Variants in USP34 observed in about 807,000 individuals in gnomAD.
USP34 encodes ubiquitin specific peptidase 34.
In USP34, 70 loss-of-function variants were observed where a neutral mutation model predicts 460.3. That is an observed-to-expected ratio of 0.15 (90% confidence interval 0.13 to 0.19). The LOEUF (loss-of-function observed/expected upper bound fraction) is 0.19, where lower values mean the gene tolerates loss of function less well. USP34 is among the 10% of genes least tolerant of loss of function. The probability of loss-of-function intolerance (pLI) is 1.00; values close to 1 mark genes in which losing one functional copy is unlikely to be tolerated. For missense variants in USP34, 3,985 were observed against 4,236.2 expected (o/e 0.94, Z 1.65); for synonymous variants, 1,647 against 1,405.3 (o/e 1.17, Z -3.85).
chr2:61,375,768 C>CAAAAAAAA (rs56304309), intron 8 of USP34, among the ~76,000 whole-genome samples: 105 of 80,840 alleles, frequency 1.3e-3, no homozygotes, highest in Middle Eastern at 8.1e-3. Flanking sequence ...GACTCTGTCT[C>CAAAAAAAA]AAAAAAAAAA....
chr2:61,314,531 A>G, intron 25 of USP34, 54 bp downstream of exon 25: 2 of 1,355,956 alleles, frequency 1.5e-6, no homozygotes, highest in East Asian at 5.2e-5. Context: ...ATTTCTGGAT[A>G]TGTCAGGAAT....
chr2:61,313,217 G>T (rs573857467), intron 25 of USP34, among the ~76,000 whole-genome samples: 1 of 151,378 alleles, frequency 6.6e-6, no homozygotes, highest in African/African-American at 2.4e-5. Flanking sequence ...CAAATAAAAA[G>T]ATATCAAGGA....
chr2:61,317,540 C>G, intron 23 of USP34, 114 bp downstream of exon 23: 1 of 858,054 alleles, frequency 1.2e-6, no homozygotes, highest in Non-Finnish European at 1.8e-6. Context: ...ACAAACCCAA[C>G]TGCACTGCAC....
chr2:61,392,170 A>C (rs185982909), intron 5 of USP34, among the ~76,000 whole-genome samples: 1 of 152,266 alleles, frequency 6.6e-6, no homozygotes, highest in East Asian at 1.9e-4. Context: ...TCTCTACAAA[A>C]ACAATTTTTA....
In USP34 at chr2:61,283,275, G is replaced by C. The variant is rs1310899882; in HGVS notation, c.4874-6C>G. On this transcript the variant is annotated splice_polypyrimidine_tract_variant and splice_region_variant and intron_variant, in intron 36 of 79. Transcript: ENST00000398571. ...CCACATTGAATAATGTGAAACTAAA[G>C]AAAAATTAGAAAACAGTTCACTATA... 6.2e-6 allele frequency: 10 copies of C among 1,608,836 alleles called. No individual in the cohort carries two copies. In the Admixed American group the frequency reaches 1.5e-4, roughly 24 times the overall value.
chr2:61,437,569 C>G (rs1342642408), intron 1 of USP34, among the ~76,000 whole-genome samples: 1 of 151,858 alleles, frequency 6.6e-6, no homozygotes, highest in African/African-American at 2.4e-5. Context: ...GTCAGGAGTT[C>G]AAGACCAGCC....
chr2:61,245,352 C>T (rs1688391919), intron 50 of USP34, 64 bp from the exon 51 acceptor site: 2 of 961,228 alleles, frequency 2.1e-6, no homozygotes, highest in Non-Finnish European at 1.5e-6. Context: ...ATTATGTCTA[C>T]TATTTTTTGA....
intron 10 of USP34, among the ~76,000 whole-genome samples, chr2:61,363,207 A>C (rs959342345): frequency 6.6e-6 from 1 of 152,196 alleles, no homozygotes; most frequent in Non-Finnish European, 1.5e-5. Flanking sequence ...AAATGGAAGT[A>C]ACAAGTATAG....
At chr2:61,232,271 G>C (rs1345735994) in intron 58 of USP34, among the ~76,000 whole-genome samples, 181 bp downstream of exon 58, 2 of 152,180 alleles carry the variant, frequency 1.3e-5, no homozygotes, top group Non-Finnish European at 2.9e-5. Flanking sequence ...TTATTAGAGT[G>C]AGAGCTGATG....
intron 5 of USP34, among the ~76,000 whole-genome samples, chr2:61,394,553 A>T (rs1394162473): frequency 2.0e-5 from 3 of 151,560 alleles, no homozygotes; most frequent in South Asian, 4.2e-4. Context: ...AAAAAAAAAA[A>T]AAAAATAAGT....
intron 1 of USP34, among the ~76,000 whole-genome samples, chr2:61,421,207 G>A (rs1694344781): frequency 6.6e-6 from 1 of 152,194 alleles, no homozygotes; most frequent in Non-Finnish European, 1.5e-5. Flanking sequence ...GGCAGGAGGA[G>A]AGACCAAAGA....
chr2:61,369,729 T>C (rs1308012193), intron 10 of USP34, among the ~76,000 whole-genome samples: 6 of 140,728 alleles, frequency 4.3e-5, no homozygotes. Context: ...GCACTTCATA[T>C]ATTGATGAGA....
At chr2:61,226,975 T>C in intron 62 of USP34, 92 bp downstream of exon 62, 1 of 1,386,236 alleles carries the variant, frequency 7.2e-7, no homozygotes, top group Non-Finnish European at 9.6e-7. Flanking sequence ...ACATATATAA[T>C]AAAAAGCTAG....
chr2:61,218,150 G>T (rs1447843035), intron 67 of USP34, among the ~76,000 whole-genome samples: 1 of 149,928 alleles, frequency 6.7e-6, no homozygotes, highest in Non-Finnish European at 1.5e-5. Flanking sequence ...AAACCTTTTT[G>T]GGGGTTCAGC....
chr2:61,248,714 T>G (rs1488506582), intron 48 of USP34, 31 bp from the exon 49 acceptor site: 16 of 1,514,640 alleles, frequency 1.1e-5, no homozygotes, highest in Non-Finnish European at 9.8e-6. Flanking sequence ...TAATAAAGAT[T>G]ATTTTTTACA....
chr2:61,301,251 A>T, intron 28 of USP34, 91 bp from the exon 29 acceptor site: 1 of 1,512,012 alleles, frequency 6.6e-7, no homozygotes, highest in South Asian at 1.3e-5. Context: ...TAAAATTTTA[A>T]TATAACAAAG....
chr2:61,369,995 A>C (rs1212560043), intron 10 of USP34, among the ~76,000 whole-genome samples: 4 of 151,578 alleles, frequency 2.6e-5, no homozygotes, highest in East Asian at 2.0e-4. Flanking sequence ...AAAAAAAAAA[A>C]AAAAAAACAG....
Position 61,437,774 on chromosome 2 carries a change from AAAAT to A in USP34, c.44-16945_44-16942del, listed in dbSNP as rs61610795. The stretch of plus-strand genomic sequence containing the variant: ...GGCAACAGAGCGAGACTCCGTCTCA[AAAAT>A]AAATAAATAAATAAATAAATAAATA... On this transcript the variant is annotated intron_variant, in intron 1 of 79. Coordinates refer to ENST00000398571, the MANE Select transcript of USP34 (RefSeq NM_014709.4). 8.1e-3 allele frequency among the ~76,000 whole-genome samples: 1,087 copies of A among 134,558 alleles called. 8 individuals carry two copies. The highest frequency in any genetic ancestry group is 0.021 in the African/African-American group (750 of 36,084). The allele number at this position is 134,558 out of a possible 152,430, so 88.3% of individuals were successfully genotyped here.
intron 1 of USP34, among the ~76,000 whole-genome samples, chr2:61,453,015 ATATC>A (rs966393676): frequency 1.3e-5 from 2 of 152,072 alleles, no homozygotes; most frequent in Admixed American, 6.6e-5. Context: ...TAAAAATAGA[ATATC>A]TAATATTTTT....
Sources: allele counts gnomAD v4.1 joint callset (sites outside exome capture counted in the v4.1 genomes callset), GRCh38; gene constraint gnomAD v4.1.1; transcripts MANE v1.5; gene names NCBI Gene and HGNC (gene_info 2026-07-23, HGNC 2026-07-21).